Variants in NPHS2 observed in about 807,000 individuals in gnomAD.
The protein encoded by NPHS2 is podocin.
NPHS2 carries 36 observed loss-of-function variants against 37.1 expected under a neutral mutation model. The ratio of observed to expected loss-of-function variants is 0.97; its 90% CI spans 0.74 to 1.28. NPHS2 has a LOEUF of 1.28. Ranked by LOEUF, NPHS2 falls within the 50% of genes most tolerant of loss-of-function variation. The pLI is 0.00. For synonymous variants in NPHS2, 196 were observed against 189.3 expected (o/e 1.04, Z -0.29); for missense variants, 447 against 488.1 (o/e 0.92, Z 0.79).
chr1:179,553,523 G>A lies in NPHS2; in HGVS notation c.795-842C>T, dbSNP rs184898336. 3.6e-3 allele frequency among the ~76,000 whole-genome samples: 544 copies of A among 152,326 alleles called. 2 individuals carry two copies. Among genetic ancestry groups the A allele is most frequent in the African/African-American group, 0.012 (509 of 41,572 alleles). ...AGACACAAAAAGCCATATATTGTAT[G>A]ATTCCATTTATGTGAAATGTCCAGA... is the stretch of plus-strand genomic sequence containing the variant. On this transcript the variant is annotated intron_variant, in intron 6 of 7. Transcript: ENST00000367615.
chr1:179,574,393 TA>T (rs1347873203), intron 1 of NPHS2, among the ~76,000 whole-genome samples: 8 of 152,194 alleles, frequency 5.3e-5, no homozygotes, highest in Non-Finnish European at 5.9e-5. Flanking sequence ...AATAACTCAG[TA>T]AAACACCCAG....
rs77355524 is a variant in NPHS2, at chr1:179,556,676, T to C, written c.738+351A>G. 9.9e-3 allele frequency among the ~76,000 whole-genome samples: 1,515 copies of C among 152,302 alleles called. 48 individuals are homozygous for C. Among genetic ancestry groups the C allele is most frequent in the East Asian group, 0.062 (320 of 5,174 alleles). ...GTAGACAGTAAGCTCCTGGGAACCATGCTTTATCATCTTTGTGTACCAACC... is the reference window on the plus strand; with the variant it reads ...GTAGACAGTAAGCTCCTGGGAACCACGCTTTATCATCTTTGTGTACCAACC... On this transcript the variant is annotated intron_variant, in intron 5 of 7. Coordinates refer to ENST00000367615, the MANE Select transcript of NPHS2 (RefSeq NM_014625.4). The surrounding 1 kb of genome is among the most constrained non-coding windows in gnomAD (Gnocchi z 4.1).
chr1:179,554,914 A>G (rs1333394384), intron 5 of NPHS2, among the ~76,000 whole-genome samples: 1 of 152,226 alleles, frequency 6.6e-6, no homozygotes, highest in Non-Finnish European at 1.5e-5. Context: ...TGTCCTTATA[A>G]GAGGGAGGCA....
intron 2 of NPHS2, among the ~76,000 whole-genome samples, chr1:179,562,798 T>A (rs1011368695): frequency 6.6e-6 from 1 of 152,230 alleles, no homozygotes; most frequent in African/African-American, 2.4e-5. Context: ...TTTCCTAGCA[T>A]TACTTGTTTC....
At chr1:179,561,484 A>G (rs1243825485) in intron 2 of NPHS2, 123 bp from the exon 3 acceptor site, 1 of 717,822 alleles carries the variant, frequency 1.4e-6, no homozygotes, top group Non-Finnish European at 2.5e-6. Flanking sequence ...AAAAATTTCT[A>G]TTAATACTTA....
chr1:179,566,972 G>A (rs1176597508), intron 1 of NPHS2, among the ~76,000 whole-genome samples: 4 of 151,270 alleles, frequency 2.6e-5, no homozygotes, highest in Non-Finnish European at 4.4e-5. Context: ...CTGTAGCCTT[G>A]TAGTATAGTT....
intron 1 of NPHS2, among the ~76,000 whole-genome samples, 177 bp from the exon 2 acceptor site, chr1:179,564,970 C>T (rs1674281068): frequency 1.3e-5 from 2 of 152,054 alleles, no homozygotes; most frequent in South Asian, 4.2e-4. Flanking sequence ...GAGGAGCAGG[C>T]TCCTGGAAAG....
chr1:179,551,722 G>A (rs1673310233), intron 7 of NPHS2: 3 of 455,460 alleles, frequency 6.6e-6, no homozygotes, highest in Non-Finnish European at 1.2e-5. Flanking sequence ...GGCCTTGAAA[G>A]ATTAGGATTT....
chr1:179,559,014 C>T (rs902989845), intron 4 of NPHS2, among the ~76,000 whole-genome samples: 1 of 148,968 alleles, frequency 6.7e-6, no homozygotes, highest in Non-Finnish European at 1.5e-5. Flanking sequence ...CACACGTACA[C>T]ATATAGGTAT....
At chr1:179,563,609 A>T (rs141902880) in intron 2 of NPHS2, among the ~76,000 whole-genome samples, 1 of 152,246 alleles carries the variant, frequency 6.6e-6, no homozygotes, top group East Asian at 1.9e-4. Flanking sequence ...TTGAAATAAC[A>T]TAAAGTGTAT....
chr1:179,553,912 A>ATTTTTTTTTTTT (rs11422639), intron 6 of NPHS2, among the ~76,000 whole-genome samples: 1 of 131,876 alleles, frequency 7.6e-6, no homozygotes. Flanking sequence ...CCCCTGGCTA[A>ATTTTTTTTTTTT]TTTTTTTTTT....
At chr1:179,573,505 G>A (rs1030008132) in intron 1 of NPHS2, among the ~76,000 whole-genome samples, 1 of 152,168 alleles carries the variant, frequency 6.6e-6, no homozygotes, top group Non-Finnish European at 1.5e-5. Flanking sequence ...CATTTGACCA[G>A]GTAATATTTT....
chr1:179,561,236 G>A, intron 3 of NPHS2, 53 bp downstream of exon 3: 1 of 1,293,198 alleles, frequency 7.7e-7, no homozygotes, highest in Non-Finnish European at 1.1e-6. Context: ...ATGGGTTGAA[G>A]AAATTGGCAA....
chr1:179,553,144 T>C (rs1219284675), intron 6 of NPHS2, among the ~76,000 whole-genome samples: 1 of 152,200 alleles, frequency 6.6e-6, no homozygotes, highest in Non-Finnish European at 1.5e-5. Context: ...AGGTACAAAA[T>C]TGTCTTTTGA....
intron 3 of NPHS2, among the ~76,000 whole-genome samples, chr1:179,560,595 T>C (rs1572281627): frequency 6.6e-6 from 1 of 152,136 alleles, no homozygotes; most frequent in Admixed American, 6.5e-5. Context: ...CCTAGTCTGG[T>C]CTCTGTGGGC....
intron 2 of NPHS2, among the ~76,000 whole-genome samples, chr1:179,564,279 C>T (rs1200061385): frequency 1.3e-5 from 2 of 152,180 alleles, no homozygotes; most frequent in African/African-American, 2.4e-5. Flanking sequence ...CAGGGACAGG[C>T]ATCTGTAACC....
At chr1:179,572,578 A>G (rs970465339) in intron 1 of NPHS2, among the ~76,000 whole-genome samples, 1 of 152,200 alleles carries the variant, frequency 6.6e-6, no homozygotes, top group African/African-American at 2.4e-5. Context: ...TGTGAGAAGA[A>G]AGGAGGAATG....
rs1311971672 is a variant in NPHS2 at position 179,575,718 on chromosome 1, T to C, written c.147A>G (p.Gly49=). The stretch of plus-strand genomic sequence containing the variant: ...GGGGCTCCCCCGGGGTCCCCGCCCG[T>C]CCGGAGCCCGACGGCTCGGGCCCAG... ...QEAGPEPSGS[G]RAGTPGEPRA... Residue 49 remains glycine, a synonymous_variant, in exon 1 of 8, where the codon GGA becomes GGG. Coordinates refer to ENST00000367615, the MANE Select transcript of NPHS2 (RefSeq NM_014625.4). 3 of 1,551,364 alleles carry C rather than the reference T, an allele frequency of 1.9e-6. No homozygotes were observed. The South Asian group carries it at 3.5e-5, about 18-fold the overall frequency.
Position 179,564,763 on chromosome 1 carries a change from TCA to T in NPHS2, c.303_304del (p.Cys101Ter). On this transcript the variant is annotated stop_gained and frameshift_variant, in exon 2 of 8. Transcript: ENST00000367615. LOFTEE classifies it high-confidence loss of function. ...CAGGGAAATGAGGACAAGAAGCCAC[TCA>T]CAGGCCCCTAAGCCGGAGGATTTGG... is the stretch of plus-strand genomic sequence containing the variant. 6.2e-7 allele frequency: 1 copy of T among 1,614,044 alleles called. No individual in the cohort carries two copies. Among genetic ancestry groups the T allele is most frequent in the African/African-American group, 1.3e-5 (1 of 75,018 alleles).
Sources: allele counts gnomAD v4.1 joint callset (sites outside exome capture counted in the v4.1 genomes callset), GRCh38; gene constraint gnomAD v4.1.1; non-coding constraint Gnocchi (gnomAD v3.1); transcripts MANE v1.5; gene names NCBI Gene and HGNC (gene_info 2026-07-23, HGNC 2026-07-21).